The following NGLY1 variants were observed in gnomAD, a reference collection of about 807,000 sequenced individuals.
NGLY1 encodes peptide-N(4)-(N-acetyl-beta-glucosaminyl)asparagine amidase.
Under a neutral mutation model 84.6 loss-of-function variants are expected in NGLY1, and 68 were observed. The observed-to-expected ratio is 0.80, with a 90% CI of 0.66 to 0.98. The LOEUF (loss-of-function observed/expected upper bound fraction) is 0.98, where lower values mean the gene tolerates loss of function less well. NGLY1 is among the 50% of genes least tolerant of loss of function. The probability of loss-of-function intolerance (pLI) is 0.00; values close to 1 mark genes in which losing one functional copy is unlikely to be tolerated. For synonymous variants in NGLY1, 280 were observed against 275.2 expected, an observed-to-expected ratio of 1.02 and a Z score of -0.17; for missense variants, 779 against 770.2, an observed-to-expected ratio of 1.01 and a Z score of -0.14.
Position 25,783,243 on chromosome 3 carries a change from A to AC in NGLY1, c.131+16dup. On this transcript the variant is annotated intron_variant, in intron 1 of 11. Coordinates refer to ENST00000280700, the MANE Select transcript of NGLY1 (RefSeq NM_018297.4). The surrounding 1 kb of genome is among the most constrained non-coding windows in gnomAD (Gnocchi z 4.5). ...CACCCACCCCGGTACCCGCCGTCCG[A>AC]CCCCGTTGCCCTGCACCTGAGGATG... 6.5e-7 allele frequency: 1 copy of AC among 1,543,186 alleles called. No individual in the cohort carries two copies. Among genetic ancestry groups the AC allele is most frequent in the Non-Finnish European group, 8.9e-7 (1 of 1,122,944 alleles).
Position 25,720,041 on chromosome 3 carries a change from C to G in NGLY1, c.1762G>C (p.Asp588His). ...TGTVEWKLRS[D>H]TAQVELTGDN... is the part of the protein sequence containing the mutation. ...CCTGTCAGTTCTACTTGTGCTGTAT[C>G]AGATCGCAATTTCCATTCTACTGTT... The change falls in exon 11 of 12, where the codon GAT becomes CAT. Residue 588 changes from aspartate (D) to histidine (H), a missense_variant. Physicochemically the swap from Asp to His is moderately conservative, Grantham distance 81 (BLOSUM62 -1). Coordinates refer to ENST00000280700, the MANE Select transcript of NGLY1 (RefSeq NM_018297.4). 1 of 1,613,364 alleles carries G rather than the reference C, an allele frequency of 6.2e-7. No individual in the cohort carries two copies. The highest frequency in any genetic ancestry group is 1.1e-5 in the South Asian group (1 of 90,930).
In NGLY1 at chr3:25,764,185, A is replaced by G; in HGVS notation, c.373T>C (p.Ser125Pro). The G allele has an allele frequency of 6.2e-7, 1 of 1,614,184 alleles. No individual in the cohort carries two copies. The highest frequency in any genetic ancestry group is 8.5e-7 in the Non-Finnish European group (1 of 1,180,038). Residue 125 changes from serine (S) to proline (P), a missense_variant, in exon 3 of 12, where the codon TCT becomes CCT. Physicochemically the swap from Ser to Pro is moderately conservative, Grantham distance 74. Transcript: ENST00000280700. ...GSNKSHKVKS[S>P]QQPAASTQLP... ...TGGGTACTGGCTGCAGGTTGCTGAG[A>G]TGACTTTACTTTGTGGCTCTTATTT...
intron 4 of NGLY1, among the ~76,000 whole-genome samples, chr3:25,740,499 G>A (rs1388199804): frequency 6.6e-6 from 1 of 152,068 alleles, no homozygotes; most frequent in Non-Finnish European, 1.5e-5. Flanking sequence ...AACATATATA[G>A]GGGGTTCTCA....
chr3:25,768,152 G>A (rs1254251016), intron 2 of NGLY1, among the ~76,000 whole-genome samples: 4 of 150,414 alleles, frequency 2.7e-5, no homozygotes, highest in Non-Finnish European at 5.9e-5. Context: ...GCCAGGTGTG[G>A]TGGCTCACGC....
intron 1 of NGLY1, among the ~76,000 whole-genome samples, chr3:25,779,282 C>T (rs1708303571): frequency 6.6e-6 from 1 of 152,110 alleles, no homozygotes. Flanking sequence ...AAAAGGAAGA[C>T]ATAAATTTCT....
chr3:25,729,154 T>C lies in NGLY1; in HGVS notation c.1590A>G (p.Lys530=). 6.6e-7 allele frequency: 1 copy of C among 1,516,790 alleles called. No homozygotes were observed. Among genetic ancestry groups the C allele is most frequent in the South Asian group, 1.3e-5 (1 of 74,350 alleles). The allele number at this position is 1,516,790 out of a possible 1,614,324, so 94.0% of individuals were successfully genotyped here. The change falls in exon 10 of 12, where the codon AAA becomes AAG. Residue 530 remains lysine (K), a synonymous_variant. Coordinates refer to ENST00000280700, the MANE Select transcript of NGLY1 (RefSeq NM_018297.4). Reference sequence around the variant, plus strand: ...TTACCATGTGCCAGTCTGTTTCAACTTTTCTGAATATAGATTCCATTTTCC... The same window carrying C: ...TTACCATGTGCCAGTCTGTTTCAACCTTTCTGAATATAGATTCCATTTTCC... ...GVWKMESIFR[K]VETDWHMVYL...
Position 25,723,753 on chromosome 3 carries a change from A to T in NGLY1, c.1612-3562T>A, listed in dbSNP as rs546682213. Among the ~76,000 whole-genome samples, 41 of 152,274 alleles carry T rather than the reference A, an allele frequency of 2.7e-4. 1 individual carries two copies. Among genetic ancestry groups the T allele is most frequent in the Middle Eastern group, 3.4e-3 (1 of 294 alleles). On this transcript the variant is annotated intron_variant, in intron 10 of 11. Coordinates refer to ENST00000280700, the MANE Select transcript of NGLY1 (RefSeq NM_018297.4). ...TATTTTTGCCTGTTGGCTTTAAAAA[A>T]TTTTTTTTAAATTTATTGTGTGCAT...
At chr3:25,774,010 T>G (rs1347129462) in intron 2 of NGLY1, among the ~76,000 whole-genome samples, 2 of 152,210 alleles carry the variant, frequency 1.3e-5, no homozygotes, top group African/African-American at 4.8e-5. Context: ...CCTACTCTGA[T>G]GGAGGTGGCA....
intron 1 of NGLY1, among the ~76,000 whole-genome samples, chr3:25,782,300 T>C (rs758282446): frequency 1.5e-4 from 23 of 152,284 alleles, no homozygotes; most frequent in Admixed American, 3.9e-4. Flanking sequence ...CATGACAATA[T>C]ACCAAACACT....
chr3:25,769,278 T>C (rs1707777980), intron 2 of NGLY1, among the ~76,000 whole-genome samples: 1 of 152,106 alleles, frequency 6.6e-6, no homozygotes, highest in African/African-American at 2.4e-5. Flanking sequence ...GGAGAATCAC[T>C]TGAACTTGAG....
intron 3 of NGLY1, chr3:25,755,514 G>C: frequency 3.4e-6 from 5 of 1,454,032 alleles, no homozygotes; most frequent in Non-Finnish European, 4.8e-6. Flanking sequence ...TGTCAAACCA[G>C]TTCCTGCAAT....
intron 6 of NGLY1, 173 bp downstream of exon 6, chr3:25,737,161 G>A: frequency 1.9e-6 from 1 of 535,814 alleles, no homozygotes; most frequent in South Asian, 3.1e-5. Flanking sequence ...CAAAACTCTT[G>A]TGATCCCTTC....
intron 4 of NGLY1, among the ~76,000 whole-genome samples, chr3:25,741,871 G>A (rs908629456): frequency 6.6e-6 from 1 of 151,926 alleles, no homozygotes; most frequent in African/African-American, 2.4e-5. Context: ...CGTGGTGGCA[G>A]GTACCTGTAA....
intron 2 of NGLY1, among the ~76,000 whole-genome samples, chr3:25,777,264 G>GT (rs1210707994): frequency 6.6e-6 from 1 of 151,926 alleles, no homozygotes; most frequent in East Asian, 1.9e-4. Flanking sequence ...GCGTGCTGTC[G>GT]TATGCCTTTA....
At chr3:25,774,066 T>C (rs928966434) in intron 2 of NGLY1, among the ~76,000 whole-genome samples, 20 of 152,250 alleles carry the variant, frequency 1.3e-4, no homozygotes, top group African/African-American at 4.3e-4. Context: ...GCAGTTTTGT[T>C]TAGTGTGTTG....
intron 1 of NGLY1, chr3:25,782,647 G>A (rs1038685090): frequency 1.3e-5 from 2 of 152,166 alleles, no homozygotes; most frequent in East Asian, 1.9e-4. Context: ...GTAGAATCCA[G>A]GTATTAATAT....
chr3:25,733,230 T>C (rs1705631152), intron 8 of NGLY1, among the ~76,000 whole-genome samples: 1 of 152,162 alleles, frequency 6.6e-6, no homozygotes, highest in African/African-American at 2.4e-5. Flanking sequence ...GGAATCATTA[T>C]CACTGATTGG....
At chr3:25,789,511 A>G (rs1051145202) in intron 1 of NGLY1, among the ~76,000 whole-genome samples, 3 of 152,190 alleles carry the variant, frequency 2.0e-5, no homozygotes, top group Non-Finnish European at 4.4e-5. Context: ...ATTATTTTTG[A>G]AAAAACGGAT....
chr3:25,736,177 T>C (rs772993680), intron 6 of NGLY1, 28 bp from the exon 7 acceptor site: 3 of 1,602,966 alleles, frequency 1.9e-6, no homozygotes, highest in Non-Finnish European at 2.6e-6. Context: ...AAGAGAGCAA[T>C]GGAAAAAAGA....
Sources: allele counts gnomAD v4.1 joint callset (sites outside exome capture counted in the v4.1 genomes callset), GRCh38; gene constraint gnomAD v4.1.1; non-coding constraint Gnocchi (gnomAD v3.1); transcripts MANE v1.5; gene names NCBI Gene and HGNC (gene_info 2026-07-23, HGNC 2026-07-21).